Variants in DIP2C observed in about 807,000 individuals in gnomAD.
The protein encoded by DIP2C is disco-interacting protein 2 homolog C.
Under a neutral mutation model 192.4 loss-of-function variants are expected in DIP2C, and 33 were observed. The observed-to-expected ratio is 0.17, with a 90% confidence interval of 0.13 to 0.23. The LOEUF (loss-of-function observed/expected upper bound fraction) is 0.23. Ranked by LOEUF, DIP2C falls within the 10% of genes least tolerant of loss-of-function variation. The probability of loss-of-function intolerance (pLI) is 1.00; values close to 1 mark genes in which losing one functional copy is unlikely to be tolerated. For missense variants in DIP2C, 1,537 were observed against 2,110.1 expected, an observed-to-expected ratio of 0.73 and a Z score of 5.32; for synonymous variants, 979 against 864.1, an observed-to-expected ratio of 1.13 and a Z score of -2.33.
intron 3 of DIP2C, among the ~76,000 whole-genome samples, chr10:445,614 A>AGTATACAGAGTAT (rs1564721306): frequency 7.6e-4 from 85 of 112,148 alleles, no homozygotes; most frequent in African/African-American, 5.6e-3. Context: ...ATCTGTATAC[A>AGTATACAGAGTAT]ACTGTTGCGA....
At chr10:560,648 TATTA>T (rs1450950421) in intron 1 of DIP2C, among the ~76,000 whole-genome samples, 2 of 152,216 alleles carry the variant, frequency 1.3e-5, no homozygotes, top group African/African-American at 4.8e-5. Context: ...GCTAATAAAA[TATTA>T]ATTACCACAC....
At chr10:440,129 T>C (rs2133264313) in intron 4 of DIP2C, among the ~76,000 whole-genome samples, 1 of 152,360 alleles carries the variant, frequency 6.6e-6, no homozygotes, top group Non-Finnish European at 1.5e-5. Context: ...TATAATTATT[T>C]GGGCAGAGAA....
At chr10:288,115 G>C (rs950490418) in intron 33 of DIP2C, among the ~76,000 whole-genome samples, 1 of 152,178 alleles carries the variant, frequency 6.6e-6, no homozygotes, top group African/African-American at 2.4e-5. Flanking sequence ...GCAGAACGAG[G>C]CTGAAGGCAC....
At chr10:576,958 C>T (rs1850200219) in intron 1 of DIP2C, among the ~76,000 whole-genome samples, 1 of 152,026 alleles carries the variant, frequency 6.6e-6, no homozygotes, top group South Asian at 2.1e-4. Context: ...AACTAATTGC[C>T]AAGGTCCACA....
intron 1 of DIP2C, among the ~76,000 whole-genome samples, chr10:571,784 A>AACATGGG (rs1487396623): frequency 1.3e-5 from 2 of 152,186 alleles, no homozygotes; most frequent in Non-Finnish European, 1.5e-5. Context: ...CAGGGGTAGC[A>AACATGGG]ACATGGGACA....
intron 31 of DIP2C, among the ~76,000 whole-genome samples, chr10:326,159 C>G (rs887102557): frequency 6.6e-6 from 1 of 152,048 alleles, no homozygotes; most frequent in Non-Finnish European, 1.5e-5. Context: ...CCACTGCACT[C>G]CAGCCTGGGT....
At chr10:429,924 T>C (rs1966840850) in intron 4 of DIP2C, among the ~76,000 whole-genome samples, 1 of 152,154 alleles carries the variant, frequency 6.6e-6, no homozygotes, top group Admixed American at 6.5e-5. Flanking sequence ...CTAGATCATA[T>C]GGTAAAGAGT....
chr10:384,498 A>C (rs778753793), intron 15 of DIP2C, 48 bp downstream of exon 15: 5 of 1,590,438 alleles, frequency 3.1e-6, no homozygotes, highest in Non-Finnish European at 3.4e-6. Flanking sequence ...TTGGCCTCCT[A>C]AAGCGCTGGG....
chr10:435,525 T>C (rs1456635923), intron 4 of DIP2C, among the ~76,000 whole-genome samples: 1 of 152,228 alleles, frequency 6.6e-6, no homozygotes, highest in Non-Finnish European at 1.5e-5. Context: ...CAGTTCAGGT[T>C]TTCCAATCCC....
intron 1 of DIP2C, among the ~76,000 whole-genome samples, chr10:587,973 G>C (rs111776862): frequency 4.3e-3 from 17 of 3,954 alleles, no homozygotes; most frequent in South Asian, 0.016. Flanking sequence ...TCCACACCAG[G>C]CACTGCCTCA....
At chr10:657,706 C>A (rs111170463) in intron 1 of DIP2C, among the ~76,000 whole-genome samples, 11 of 104,024 alleles carry the variant, frequency 1.1e-4, no homozygotes, top group Admixed American at 2.0e-4. Flanking sequence ...ACTGGACCTG[C>A]CCCTGGACCT....
intron 10 of DIP2C, 86 bp from the exon 11 acceptor site, chr10:390,949 A>AC (rs1221613684): frequency 6.5e-7 from 1 of 1,542,800 alleles, no homozygotes; most frequent in Non-Finnish European, 8.7e-7. Flanking sequence ...GTTCACACAG[A>AC]CCCTCGAGTC....
intron 1 of DIP2C, among the ~76,000 whole-genome samples, chr10:553,171 G>C (rs1207190223): frequency 6.6e-6 from 1 of 152,192 alleles, no homozygotes; most frequent in East Asian, 1.9e-4. Flanking sequence ...ATGGGCACTG[G>C]GGCCCAGGAA....
At chr10:380,344 TCCC>T in intron 17 of DIP2C, among the ~76,000 whole-genome samples, 1 of 151,442 alleles carries the variant, frequency 6.6e-6, no homozygotes, top group South Asian at 2.1e-4. Flanking sequence ...GAAGAGGCTG[TCCC>T]TGGAAGATGG....
rs575125429 is a variant in DIP2C at position 574,824 on chromosome 10, G to A, written c.86-88294C>T. 1.6e-4 allele frequency among the ~76,000 whole-genome samples: 25 copies of A among 152,326 alleles called. No individual in the cohort carries two copies. In the South Asian group the frequency reaches 3.3e-3, roughly 20 times the overall value. On this transcript the variant is annotated intron_variant, in intron 1 of 36. Coordinates refer to ENST00000280886, the MANE Select transcript of DIP2C (RefSeq NM_014974.3). ...TGTGCAGGACCAGAAGCATCGCAAC[G>A]CGGTTTCCTGTTCTGGTGTTCAATG...
intron 9 of DIP2C, among the ~76,000 whole-genome samples, chr10:400,010 A>G (rs1314698036): frequency 6.6e-6 from 1 of 152,228 alleles, no homozygotes; most frequent in African/African-American, 2.4e-5. Flanking sequence ...TGGTTAATGT[A>G]AATTACCAAG....
chr10:366,784 A>G (rs1404015119), intron 18 of DIP2C, among the ~76,000 whole-genome samples: 3 of 152,164 alleles, frequency 2.0e-5, no homozygotes, highest in Non-Finnish European at 4.4e-5. Flanking sequence ...TCTGCAAATC[A>G]AGCCTCTAAT....
intron 32 of DIP2C, among the ~76,000 whole-genome samples, chr10:309,717 C>A (rs1956489463): frequency 6.6e-6 from 1 of 152,104 alleles, no homozygotes; most frequent in Admixed American, 6.5e-5. Context: ...CGCCACCAAA[C>A]CTGGGTAATT....
chr10:453,342 C>T (rs534781543), intron 3 of DIP2C, among the ~76,000 whole-genome samples: 1 of 152,206 alleles, frequency 6.6e-6, no homozygotes, highest in Non-Finnish European at 1.5e-5. Flanking sequence ...AGGTACCAGG[C>T]AGGATTGCAG....
Sources: allele counts gnomAD v4.1 joint callset (sites outside exome capture counted in the v4.1 genomes callset), GRCh38; gene constraint gnomAD v4.1.1; transcripts MANE v1.5; gene names NCBI Gene and HGNC (gene_info 2026-07-23, HGNC 2026-07-21).